The following TBC1D22A variants were observed in gnomAD, a reference collection of about 807,000 sequenced individuals.
The protein encoded by TBC1D22A is TBC1 domain family member 22A.
A neutral mutation model predicts 60.2 loss-of-function variants in TBC1D22A; 38 were observed. The observed-to-expected ratio is 0.63, with a 90% CI of 0.49 to 0.83. The LOEUF is 0.83. Ranked by LOEUF, TBC1D22A falls within the 40% of genes least tolerant of loss-of-function variation. The pLI is 0.00. For missense variants in TBC1D22A, 628 were observed against 701.0 expected (o/e 0.90, Z 1.18); for synonymous variants, 302 against 281.7 (o/e 1.07, Z -0.72).
intron 12 of TBC1D22A, among the ~76,000 whole-genome samples, chr22:47,141,355 C>G (rs2067078402): frequency 6.6e-6 from 1 of 152,210 alleles, no homozygotes; most frequent in Admixed American, 6.5e-5. Flanking sequence ...TCTGTCCTTC[C>G]TCGCCCAGTC....
chr22:46,815,467 A>G (rs968869965), intron 4 of TBC1D22A, among the ~76,000 whole-genome samples: 3 of 152,196 alleles, frequency 2.0e-5, no homozygotes, highest in African/African-American at 7.2e-5. Context: ...ACGCAATCCT[A>G]CTTCCCCTGT....
At chr22:46,995,834 T>G (rs899527579) in intron 9 of TBC1D22A, among the ~76,000 whole-genome samples, 1 of 152,102 alleles carries the variant, frequency 6.6e-6, no homozygotes, top group East Asian at 1.9e-4. Context: ...GAGGAACCTC[T>G]CTGTACTGGA....
rs78844388 is a variant in TBC1D22A, at chr22:46,778,731, A to G, written c.63-13789A>G. 3.6e-3 allele frequency among the ~76,000 whole-genome samples: 542 copies of G among 151,480 alleles called. 3 individuals are homozygous for G. The highest frequency in any genetic ancestry group is 0.013 in the African/African-American group (519 of 41,202). On this transcript the variant is annotated intron_variant, in intron 1 of 12. Coordinates refer to ENST00000337137, the MANE Select transcript of TBC1D22A (RefSeq NM_014346.5). ...TTTTTAAACAAGCAGAAGGAACATA[A>G]CTCTAAAATAATGATAAAAAGTATA... is the stretch of plus-strand genomic sequence containing the variant.
intron 12 of TBC1D22A, among the ~76,000 whole-genome samples, chr22:47,163,743 A>G (rs2068085405): frequency 1.3e-5 from 2 of 152,312 alleles, no homozygotes; most frequent in Non-Finnish European, 2.9e-5. Flanking sequence ...CAGTGCCTGC[A>G]TGCAGCCGGG....
chr22:47,159,709 C>T (rs2147199980), intron 12 of TBC1D22A, among the ~76,000 whole-genome samples: 1 of 151,942 alleles, frequency 6.6e-6, no homozygotes, highest in East Asian at 1.9e-4. Flanking sequence ...CACATATACA[C>T]ACGCACACTA....
intron 4 of TBC1D22A, among the ~76,000 whole-genome samples, chr22:46,851,589 C>T (rs558255563): frequency 1.3e-5 from 2 of 152,348 alleles, no homozygotes; most frequent in African/African-American, 2.4e-5. Flanking sequence ...CTGTTCTGCC[C>T]GGTTAAGGAC....
chr22:47,015,062 C>G (rs557139823), intron 10 of TBC1D22A, among the ~76,000 whole-genome samples: 1 of 152,362 alleles, frequency 6.6e-6, no homozygotes, highest in South Asian at 2.1e-4. Flanking sequence ...GTGTACATGG[C>G]CCAGGTGTTC....
chr22:46,780,417 C>T (rs187072509), intron 1 of TBC1D22A, among the ~76,000 whole-genome samples: 1 of 151,794 alleles, frequency 6.6e-6, no homozygotes, highest in Non-Finnish European at 1.5e-5. Context: ...CTATTTTCAC[C>T]TACTGCTGTT....
In TBC1D22A at chr22:46,891,167, A is replaced by G. The variant is rs114710458; in HGVS notation, c.709-99A>G. On this transcript the variant is annotated intron_variant, in intron 5 of 12. Coordinates refer to ENST00000337137, the MANE Select transcript of TBC1D22A (RefSeq NM_014346.5). ...CTCTGTGTCAGATTTCAGAATGCCAAGCTTAGGTATGATGCAAGTCTTTTT... is the reference window on the plus strand; with the variant it reads ...CTCTGTGTCAGATTTCAGAATGCCAGGCTTAGGTATGATGCAAGTCTTTTT... 2.7e-3 allele frequency: 3,611 copies of G among 1,325,646 alleles called. 57 individuals are homozygous for G. The African/African-American group carries it at 0.042, about 15-fold the overall frequency. 82.1% of individuals were successfully genotyped at this position (1,325,646 alleles called of 1,614,324 possible). A position where few individuals can be genotyped will look rare whatever the true frequency, so the allele number is the denominator to read the frequency against.
chr22:47,128,957 C>T (rs532755128), intron 12 of TBC1D22A, among the ~76,000 whole-genome samples: 6 of 152,318 alleles, frequency 3.9e-5, no homozygotes, highest in Middle Eastern at 3.4e-3. Context: ...ACAGTGTGTG[C>T]GTGTGGGCCT....
At chr22:47,123,768 GA>G (rs1406058824) in intron 12 of TBC1D22A, among the ~76,000 whole-genome samples, 1 of 152,230 alleles carries the variant, frequency 6.6e-6, no homozygotes, top group Non-Finnish European at 1.5e-5. Flanking sequence ...TGGGTCAATT[GA>G]AAAGTAATCT....
rs753388762 is a variant in TBC1D22A, at chr22:46,878,740, C to T, written c.708+17C>T. 1.9e-5 allele frequency: 30 copies of T among 1,610,986 alleles called. No individual in the cohort carries two copies. The highest frequency in any genetic ancestry group is 4.0e-5 in the African/African-American group (3 of 74,890). On this transcript the variant is annotated intron_variant, in intron 5 of 12. Coordinates refer to ENST00000337137, the MANE Select transcript of TBC1D22A (RefSeq NM_014346.5). ...CTCCTCTCAGTAAGTCCCACCGCAC[C>T]GCCCATCAGCGCCTCCTTCCTGTGC...
At chr22:46,904,935 C>T (rs1012535663) in intron 7 of TBC1D22A, among the ~76,000 whole-genome samples, 7 of 151,990 alleles carry the variant, frequency 4.6e-5, no homozygotes, top group South Asian at 2.1e-4. Context: ...CCACCATGCC[C>T]GGCTAATTTT....
intron 4 of TBC1D22A, among the ~76,000 whole-genome samples, chr22:46,824,797 C>T (rs1487953813): frequency 6.6e-6 from 1 of 151,872 alleles, no homozygotes; most frequent in African/African-American, 2.4e-5. Context: ...GGAGGGCCAT[C>T]AGGAGTGGCT....
In TBC1D22A at chr22:46,797,625, G is replaced by C. The variant is rs1362813399; in HGVS notation, c.637+5G>C. Reference sequence around the variant, plus strand: ...CCGGCCCCAACACGGACCTTGGTAAGCACCCTGCCCTCTGGAGGACACACA... The same window carrying C: ...CCGGCCCCAACACGGACCTTGGTAACCACCCTGCCCTCTGGAGGACACACA... On this transcript the variant is annotated splice_donor_5th_base_variant and intron_variant, in intron 4 of 12. Transcript: ENST00000337137. 3 of 1,600,858 alleles carry C rather than the reference G, an allele frequency of 1.9e-6. No homozygotes were observed. The highest frequency in any genetic ancestry group is 2.6e-6 in the Non-Finnish European group (3 of 1,172,460).
chr22:46,880,302 A>G (rs1254082891), intron 5 of TBC1D22A, among the ~76,000 whole-genome samples: 3 of 152,234 alleles, frequency 2.0e-5, no homozygotes, highest in Non-Finnish European at 4.4e-5. Context: ...GTTTCTGATT[A>G]GCCTTTCCAA....
intron 12 of TBC1D22A, among the ~76,000 whole-genome samples, chr22:47,161,319 T>A (rs902360139): frequency 7.1e-6 from 1 of 140,786 alleles, no homozygotes; most frequent in Non-Finnish European, 1.5e-5. Flanking sequence ...CTGCCCACCC[T>A]GCTGCCGTGA....
intron 3 of TBC1D22A, among the ~76,000 whole-genome samples, chr22:46,796,559 AG>A (rs2084662244): frequency 6.6e-6 from 1 of 151,664 alleles, no homozygotes; most frequent in South Asian, 2.1e-4. Context: ...AGCCTTTCCC[AG>A]CCTCTTGCTT....
At chr22:47,132,842 T>C (rs1601618160) in intron 12 of TBC1D22A, among the ~76,000 whole-genome samples, 1 of 152,232 alleles carries the variant, frequency 6.6e-6, no homozygotes, top group Non-Finnish European at 1.5e-5. Flanking sequence ...GGAAACGCCA[T>C]GTGATCTAAA....
Sources: allele counts gnomAD v4.1 joint callset (sites outside exome capture counted in the v4.1 genomes callset), GRCh38; gene constraint gnomAD v4.1.1; transcripts MANE v1.5; gene names NCBI Gene and HGNC (gene_info 2026-07-23, HGNC 2026-07-21).